Variants in KIF26B observed in about 807,000 individuals in gnomAD.
KIF26B encodes the protein kinesin-like protein KIF26B.
In KIF26B, 63 loss-of-function variants were observed where a neutral mutation model predicts 151.2. The ratio of observed to expected loss-of-function variants is 0.42; its 90% confidence interval spans 0.34 to 0.51. The LOEUF (loss-of-function observed/expected upper bound fraction) is 0.51. Ranked by LOEUF, KIF26B falls within the 20% of genes least tolerant of loss-of-function variation. KIF26B has a pLI of 0.07. For missense variants in KIF26B, 2,813 were observed against 2,913.6 expected, an observed-to-expected ratio of 0.97 and a Z score of 0.79; for synonymous variants, 1,357 against 1,262.1, an observed-to-expected ratio of 1.08 and a Z score of -1.59.
intron 2 of KIF26B, among the ~76,000 whole-genome samples, chr1:245,328,044 T>C (rs946663819): frequency 1.3e-5 from 2 of 152,024 alleles, no homozygotes; most frequent in Non-Finnish European, 2.9e-5. Context: ...GAGAGGGGAC[T>C]ATCTGAGTCC....
rs555514769 is a variant in KIF26B at position 245,532,348 on chromosome 1, C to A, written c.1167-8419C>A. Among the ~76,000 whole-genome samples, 45 of 150,618 alleles carry A rather than the reference C, an allele frequency of 3.0e-4. 1 individual carries two copies. The East Asian group carries it at 4.1e-3, about 14-fold the overall frequency. Reference sequence around the variant, plus strand: ...GCAAGCTCTGCCTCCCGGGTTCACGCCATTCTCCTGCCTCAGCCTCCCGAG... The same window carrying A: ...GCAAGCTCTGCCTCCCGGGTTCACGACATTCTCCTGCCTCAGCCTCCCGAG... On this transcript the variant is annotated intron_variant, in intron 4 of 14. Coordinates refer to ENST00000407071, the MANE Select transcript of KIF26B (RefSeq NM_018012.4).
intron 2 of KIF26B, among the ~76,000 whole-genome samples, chr1:245,303,008 A>AAAG (rs1412767433): frequency 2.5e-4 from 37 of 149,760 alleles, no homozygotes; most frequent in Non-Finnish European, 5.2e-4. Context: ...AAAAAAAAAA[A>AAAG]AAAAAGAAAG....
At chr1:245,363,974 C>G (rs1477188767) in intron 2 of KIF26B, among the ~76,000 whole-genome samples, 1 of 152,136 alleles carries the variant, frequency 6.6e-6, no homozygotes, top group Non-Finnish European at 1.5e-5. Context: ...CCCGGCGGAG[C>G]ACTGAGCTCC....
At position 245,606,874 on chromosome 1, in the gene KIF26B, C is replaced by A. The variant is rs1010731399; in HGVS notation, c.1558-777C>A. On this transcript the variant is annotated intron_variant, in intron 6 of 14. Transcript: ENST00000407071. This position sits in a 1 kb window ranked among gnomAD's most constrained non-coding sequence, Gnocchi z 4.6. ...GGTCAGGAGTTTGAGACCAGCCTGA[C>A]CAACGTGGTGAAACCCCCTCTCTAC... Among the ~76,000 whole-genome samples, 1 of 151,854 alleles carries A rather than the reference C, an allele frequency of 6.6e-6. No individual in the cohort carries two copies. The highest frequency in any genetic ancestry group is 1.5e-5 in the Non-Finnish European group (1 of 67,954).
At chr1:245,421,555 C>T (rs946831993) in intron 4 of KIF26B, among the ~76,000 whole-genome samples, 2 of 152,096 alleles carry the variant, frequency 1.3e-5, no homozygotes, top group African/African-American at 4.8e-5. Flanking sequence ...CTAGAGGGAA[C>T]ATTCAATGCT....
In KIF26B at chr1:245,540,208, G is replaced by A. The variant is rs60181941; in HGVS notation, c.1167-559G>A. Among the ~76,000 whole-genome samples the A allele has an allele frequency of 0.037, 5,575 of 152,232 alleles. 363 individuals are homozygous for A. Among genetic ancestry groups the A allele is most frequent in the African/African-American group, 0.13 (5,291 of 41,504 alleles). On this transcript the variant is annotated intron_variant, in intron 4 of 14. Transcript: ENST00000407071. This position sits in a 1 kb window ranked among gnomAD's most constrained non-coding sequence, Gnocchi z 4.6. ...AGCCTCAGCGCCCTGCACCCTGGTTGGAGTTCACCTTCTGATTTGGTGGTA... is the reference window on the plus strand; with the variant it reads ...AGCCTCAGCGCCCTGCACCCTGGTTAGAGTTCACCTTCTGATTTGGTGGTA...
chr1:245,196,990 A>G (rs1229071681), intron 2 of KIF26B, among the ~76,000 whole-genome samples: 3 of 152,168 alleles, frequency 2.0e-5, no homozygotes, highest in South Asian at 4.1e-4. Flanking sequence ...TTGAGATAAG[A>G]AATCCTACTC....
At chr1:245,575,809 T>TTGTG (rs762065450) in intron 5 of KIF26B, among the ~76,000 whole-genome samples, 3 of 151,986 alleles carry the variant, frequency 2.0e-5, no homozygotes, top group Non-Finnish European at 4.4e-5. Context: ...TCTATCTGTT[T>TTGTG]TGTGTGTGTG....
rs1021906629 is a variant in KIF26B, at chr1:245,668,765, C to G, written c.2259-15468C>G. Among the ~76,000 whole-genome samples, 7 of 152,156 alleles carry G rather than the reference C, an allele frequency of 4.6e-5. No individual in the cohort carries two copies. In the South Asian group the frequency reaches 1.2e-3, roughly 27 times the overall value. Reference sequence around the variant, plus strand: ...AGTGCAGTGGCACAATCTTGGCTTACCGCAACCTCTGCTTCCTGGGTTCAA... The same window carrying G: ...AGTGCAGTGGCACAATCTTGGCTTAGCGCAACCTCTGCTTCCTGGGTTCAA... On this transcript the variant is annotated intron_variant, in intron 10 of 14. Transcript: ENST00000407071.
intron 2 of KIF26B, among the ~76,000 whole-genome samples, chr1:245,354,664 G>A (rs1672644081): frequency 6.6e-6 from 1 of 152,212 alleles, no homozygotes; most frequent in Non-Finnish European, 1.5e-5. Flanking sequence ...GCCATACACA[G>A]CCACCACTTC....
Position 245,428,902 on chromosome 1 carries a change from G to A in KIF26B, c.1166+9157G>A, listed in dbSNP as rs1658709192. On this transcript the variant is annotated intron_variant, in intron 4 of 14. Coordinates refer to ENST00000407071, the MANE Select transcript of KIF26B (RefSeq NM_018012.4). ...AGCCTCAAGAATCCCAGGGATTCTTGTAAGATACTCTCAGGGTTAAGGATT... is the reference window on the plus strand; with the variant it reads ...AGCCTCAAGAATCCCAGGGATTCTTATAAGATACTCTCAGGGTTAAGGATT... Among the ~76,000 whole-genome samples, 4 of 145,828 alleles carry A rather than the reference G, an allele frequency of 2.7e-5. No homozygotes were observed. In the Admixed American group the frequency reaches 2.9e-4, roughly 10 times the overall value.
intron 2 of KIF26B, among the ~76,000 whole-genome samples, chr1:245,173,725 T>C (rs1668754515): frequency 1.3e-5 from 2 of 152,192 alleles, no homozygotes; most frequent in Admixed American, 1.3e-4. Context: ...TGGGGCCAGG[T>C]GAATGGCTAT....
chr1:245,621,050 T>G (rs1398907229), intron 9 of KIF26B, among the ~76,000 whole-genome samples: 1 of 152,110 alleles, frequency 6.6e-6, no homozygotes, highest in Middle Eastern at 3.2e-3. Context: ...AGCTACACAT[T>G]AGACTCACCT....
chr1:245,229,489 C>A (rs1009113149), intron 2 of KIF26B, among the ~76,000 whole-genome samples: 4 of 152,156 alleles, frequency 2.6e-5, no homozygotes, highest in Admixed American at 2.6e-4. Context: ...TTGACACATT[C>A]GCAGGTAAGA....
chr1:245,480,793 AAAAGAG>A (rs901672533), intron 4 of KIF26B, among the ~76,000 whole-genome samples: 4 of 149,764 alleles, frequency 2.7e-5, no homozygotes, highest in African/African-American at 1.0e-4. Flanking sequence ...AAAAAAAAAA[AAAAGAG>A]AGAGAGAAAT....
At position 245,367,453 on chromosome 1, in the gene KIF26B, C is replaced by G. The variant is rs1672989858; in HGVS notation, c.999+86C>G. 4.1e-6 allele frequency: 5 copies of G among 1,231,198 alleles called. No homozygotes were observed. In the East Asian group the frequency reaches 1.3e-4, roughly 31 times the overall value. The allele number at this position is 1,231,198 out of a possible 1,614,324, so 76.3% of individuals were successfully genotyped here. A position where few individuals can be genotyped will look rare whatever the true frequency, so the allele number is the denominator to read the frequency against. Reference sequence around the variant, plus strand: ...GCAGCACTTCCTTCCGCTGCCTCCTCCCGGGAACCCTGTAACTCAGAGCCC... The same window carrying G: ...GCAGCACTTCCTTCCGCTGCCTCCTGCCGGGAACCCTGTAACTCAGAGCCC... On this transcript the variant is annotated intron_variant, in intron 3 of 14. Transcript: ENST00000407071. This position sits in a 1 kb window ranked among gnomAD's most constrained non-coding sequence, Gnocchi z 4.2.
chr1:245,208,407 G>C (rs1218963184), intron 2 of KIF26B, among the ~76,000 whole-genome samples: 1 of 152,112 alleles, frequency 6.6e-6, no homozygotes, highest in Non-Finnish European at 1.5e-5. Context: ...TCATTTTCAG[G>C]GGTGTTTCTC....
rs141603626 is a variant in KIF26B at position 245,458,992 on chromosome 1, C to T, written c.1166+39247C>T. Among the ~76,000 whole-genome samples the T allele has an allele frequency of 1.8e-3, 271 of 152,216 alleles. 1 individual carries two copies. The highest frequency in any genetic ancestry group is 3.4e-3 in the Middle Eastern group (1 of 294). On this transcript the variant is annotated intron_variant, in intron 4 of 14. Coordinates refer to ENST00000407071, the MANE Select transcript of KIF26B (RefSeq NM_018012.4). ...ATGTTTGGAACAGTTGGTGATAAAACGTTTCATGGTCTTACAGCTCAGTAG... is the reference window on the plus strand; with the variant it reads ...ATGTTTGGAACAGTTGGTGATAAAATGTTTCATGGTCTTACAGCTCAGTAG...
intron 2 of KIF26B, among the ~76,000 whole-genome samples, chr1:245,162,558 G>C (rs1457183862): frequency 1.3e-5 from 2 of 151,710 alleles, no homozygotes; most frequent in East Asian, 1.9e-4. Context: ...GCTAATTTTT[G>C]TATTTTTAGT....
Sources: gnomAD v4.1 joint callset for allele counts (sites outside exome capture counted in the v4.1 genomes callset) on GRCh38, gnomAD v4.1.1 for gene constraint, Gnocchi (gnomAD v3.1) non-coding constraint, MANE v1.5 for transcripts, NCBI Gene and HGNC (gene_info 2026-07-23, HGNC 2026-07-21) for gene names.